Variants in LDLRAD3 observed in about 807,000 individuals in gnomAD.
The protein encoded by LDLRAD3 is low density lipoprotein receptor class A domain containing 3.
In LDLRAD3, 20 loss-of-function variants were observed where a neutral mutation model predicts 29.4. That is an observed-to-expected ratio of 0.68 (90% CI 0.48 to 0.99). The LOEUF is 0.99. Ranked by LOEUF, LDLRAD3 falls within the 50% of genes least tolerant of loss-of-function variation. The pLI is 0.00. For missense variants in LDLRAD3, 420 were observed against 454.3 expected (o/e 0.92, Z 0.69); for synonymous variants, 157 against 192.7 (o/e 0.81, Z 1.53).
chr11:36,069,976 T>G (rs1590241176), intron 2 of LDLRAD3, among the ~76,000 whole-genome samples: 1 of 152,140 alleles, frequency 6.6e-6, no homozygotes, highest in African/African-American at 2.4e-5. Context: ...AAACCGACCT[T>G]CCCCTGAGAA....
intron 4 of LDLRAD3, among the ~76,000 whole-genome samples, chr11:36,191,572 C>CTATA (rs1180186515): frequency 2.4e-3 from 179 of 74,230 alleles, no homozygotes; most frequent in Non-Finnish European, 3.0e-3. Context: ...CTCTCTCTCT[C>CTATA]TCTCTATATA....
intron 1 of LDLRAD3, among the ~76,000 whole-genome samples, chr11:36,015,823 G>A (rs984556013): frequency 6.6e-6 from 1 of 152,206 alleles, no homozygotes; most frequent in East Asian, 1.9e-4. Context: ...CACTTGGGTT[G>A]CAAGGACAAC....
At chr11:36,208,947 G>A (rs185012029) in intron 4 of LDLRAD3, among the ~76,000 whole-genome samples, 155 of 152,374 alleles carry the variant, frequency 1.0e-3, no homozygotes, top group African/African-American at 3.6e-3. Flanking sequence ...TAACTTTGCA[G>A]TGAAGAATCC....
intron 2 of LDLRAD3, among the ~76,000 whole-genome samples, chr11:36,066,602 T>C (rs1852798128): frequency 6.6e-6 from 1 of 152,250 alleles, no homozygotes; most frequent in Non-Finnish European, 1.5e-5. Context: ...CCCTTTACAT[T>C]ATAATTTCCT....
At chr11:35,953,102 C>G (rs1446064762) in intron 1 of LDLRAD3, among the ~76,000 whole-genome samples, 2 of 152,186 alleles carry the variant, frequency 1.3e-5, no homozygotes, top group Non-Finnish European at 1.5e-5. Context: ...TTCCAGAGAC[C>G]TGAGAACCGG....
chr11:35,996,023 G>A (rs1443552041), intron 1 of LDLRAD3, among the ~76,000 whole-genome samples: 1 of 152,158 alleles, frequency 6.6e-6, no homozygotes, highest in Non-Finnish European at 1.5e-5. Flanking sequence ...CTTATCATTT[G>A]TGTGTTCATT....
chr11:36,030,448 GTGTGTGT>G (rs970382530), intron 1 of LDLRAD3, among the ~76,000 whole-genome samples: 6 of 147,362 alleles, frequency 4.1e-5, no homozygotes, highest in East Asian at 3.9e-4. Context: ...GTGTGTGTGT[GTGTGTGT>G]GTGTGTGTGT....
intron 3 of LDLRAD3, among the ~76,000 whole-genome samples, chr11:36,082,394 A>C (rs1853128614): frequency 6.6e-6 from 1 of 152,132 alleles, no homozygotes; most frequent in East Asian, 1.9e-4. Context: ...CTCTAGTCCC[A>C]GCTACTCGGG....
At chr11:35,992,308 C>T (rs1442711315) in intron 1 of LDLRAD3, among the ~76,000 whole-genome samples, 2 of 152,312 alleles carry the variant, frequency 1.3e-5, no homozygotes, top group East Asian at 3.9e-4. Flanking sequence ...AACTATTCCT[C>T]AGTAATCTTG....
chr11:35,954,375 T>G (rs1851175288), intron 1 of LDLRAD3, among the ~76,000 whole-genome samples: 1 of 152,208 alleles, frequency 6.6e-6, no homozygotes, highest in Non-Finnish European at 1.5e-5. Context: ...TTCTTCTCTT[T>G]TCCTGTGTGA....
chr11:36,191,572 C>CTATATATA (rs1180186515), intron 4 of LDLRAD3, among the ~76,000 whole-genome samples: 2 of 74,422 alleles, frequency 2.7e-5, no homozygotes, highest in Non-Finnish European at 2.5e-5. Flanking sequence ...CTCTCTCTCT[C>CTATATATA]TCTCTATATA....
At chr11:36,208,226 C>T (rs12280162) in intron 4 of LDLRAD3, among the ~76,000 whole-genome samples, 2,713 of 152,278 alleles carry the variant, frequency 0.018, 93 homozygotes, top group African/African-American at 0.062. Context: ...AAAGGTGAAA[C>T]AACCTGAGCA....
chr11:36,007,978 C>T (rs938774025), intron 1 of LDLRAD3, among the ~76,000 whole-genome samples: 2 of 152,174 alleles, frequency 1.3e-5, no homozygotes, highest in Admixed American at 1.3e-4. Flanking sequence ...ATCCCAGACA[C>T]TCAGTTTACT....
At chr11:36,104,162 G>A (rs1467782493) in intron 4 of LDLRAD3, among the ~76,000 whole-genome samples, 5 of 152,160 alleles carry the variant, frequency 3.3e-5, no homozygotes, top group Non-Finnish European at 7.4e-5. Context: ...ATTGTGAGCC[G>A]CCCTACTCAG....
At chr11:35,951,602 G>C (rs551580436) in intron 1 of LDLRAD3, among the ~76,000 whole-genome samples, 68 of 152,236 alleles carry the variant, frequency 4.5e-4, no homozygotes, top group African/African-American at 1.6e-3. Flanking sequence ...CTCTTGCTTT[G>C]CAAGAAAATA....
intron 1 of LDLRAD3, among the ~76,000 whole-genome samples, chr11:36,000,616 G>A (rs934892054): frequency 2.6e-5 from 4 of 152,066 alleles, no homozygotes; most frequent in Non-Finnish European, 5.9e-5. Flanking sequence ...GCTGTTAAAC[G>A]GTATGTCTAG....
At chr11:36,140,087 A>G (rs1336612740) in intron 4 of LDLRAD3, among the ~76,000 whole-genome samples, 1 of 152,242 alleles carries the variant, frequency 6.6e-6, no homozygotes, top group African/African-American at 2.4e-5. Flanking sequence ...GTCAGCAGTG[A>G]TGAGCAGGAC....
chr11:36,194,324 G>A (rs1204288084), intron 4 of LDLRAD3, among the ~76,000 whole-genome samples: 1 of 152,170 alleles, frequency 6.6e-6, no homozygotes, highest in African/African-American at 2.4e-5. Flanking sequence ...TAGTTACCCA[G>A]GGAGCTAGGC....
intron 2 of LDLRAD3, among the ~76,000 whole-genome samples, chr11:36,067,875 G>C (rs1467160661): frequency 2.0e-5 from 3 of 151,988 alleles, no homozygotes; most frequent in African/African-American, 7.3e-5. Flanking sequence ...TCACCATGTT[G>C]CTCAGGCTGG....
Sources: gnomAD v4.1 joint callset for allele counts (sites outside exome capture counted in the v4.1 genomes callset) on GRCh38, gnomAD v4.1.1 for gene constraint, MANE v1.5 for transcripts, NCBI Gene and HGNC (gene_info 2026-07-23, HGNC 2026-07-21) for gene names.